SUPT3H: variants seen among roughly 807,000 people sequenced by gnomAD.
SUPT3H encodes the protein transcription initiation protein SPT3 homolog.
SUPT3H carries 44 observed loss-of-function variants against 44.3 expected under a neutral mutation model. The observed-to-expected ratio is 0.99, with a 90% CI of 0.78 to 1.28. The LOEUF (loss-of-function observed/expected upper bound fraction) is 1.28. Among genes scored for constraint, SUPT3H ranks in the 50% most tolerant of loss-of-function variants. The pLI is 0.00. For missense variants in SUPT3H, 380 were observed against 387.1 expected, an observed-to-expected ratio of 0.98 and a Z score of 0.15; for synonymous variants, 124 against 125.6, an observed-to-expected ratio of 0.99 and a Z score of 0.09.
chr6:44,825,253 ATATAAT>A (rs1407809361), downstream of SUPT3H, among the ~76,000 whole-genome samples: 62 of 152,366 alleles, frequency 4.1e-4, no homozygotes, highest in Admixed American at 1.3e-3. Flanking sequence ...GCATGAGCCT[ATATAAT>A]TATATTCTAT....
At chr6:44,865,835 A>G (rs1775412064) in intron 10 of SUPT3H, among the ~76,000 whole-genome samples, 1 of 152,190 alleles carries the variant, frequency 6.6e-6, no homozygotes, top group South Asian at 2.1e-4. Context: ...AATCTTCTAA[A>G]GAGTTCTGCT....
intron 5 of SUPT3H, among the ~76,000 whole-genome samples, chr6:45,009,664 C>G (rs1246381032): frequency 6.6e-6 from 1 of 152,152 alleles, no homozygotes; most frequent in Non-Finnish European, 1.5e-5. Flanking sequence ...ATTTCATTGA[C>G]AAATATGTCT....
At chr6:45,071,404 C>G (rs979168847) in intron 3 of SUPT3H, among the ~76,000 whole-genome samples, 1 of 151,842 alleles carries the variant, frequency 6.6e-6, no homozygotes, top group Non-Finnish European at 1.5e-5. Flanking sequence ...TCTTTTTTTG[C>G]CCCATGATAT....
chr6:44,876,477 G>A (rs1396899689), intron 10 of SUPT3H, among the ~76,000 whole-genome samples: 1 of 128,400 alleles, frequency 7.8e-6, no homozygotes, highest in Admixed American at 8.4e-5. Flanking sequence ...CACTGGAAGG[G>A]GAATATCATA....
Position 44,931,599 on chromosome 6 carries a change from T to C in SUPT3H, c.912+1054A>G, listed in dbSNP as rs762086586. ...TTTAATCAGCAATATTAAAATCATG[T>C]TCTTATATAAGATAAACTTCAAATA... On this transcript the variant is annotated intron_variant, in intron 10 of 10. Coordinates refer to ENST00000371459, the MANE Select transcript of SUPT3H (RefSeq NM_003599.4). Among the ~76,000 whole-genome samples, 13 of 152,244 alleles carry C rather than the reference T, an allele frequency of 8.5e-5. No homozygotes were observed. The Middle Eastern group carries it at 0.017, about 199-fold the overall frequency.
chr6:45,221,417 A>G (rs529436888), intron 2 of SUPT3H, among the ~76,000 whole-genome samples: 41 of 152,340 alleles, frequency 2.7e-4, no homozygotes, highest in African/African-American at 9.6e-4. Context: ...TACAAGATTG[A>G]CACACAAAAA....
rs70996303 is a variant in SUPT3H at position 45,154,087 on chromosome 6, A to AAAAAAAAAC, written c.102-48082_102-48081insGTTTTTTTT. Among the ~76,000 whole-genome samples the AAAAAAAAAC allele has an allele frequency of 7.9e-5, 9 of 114,620 alleles. 1 individual carries two copies. Among genetic ancestry groups the AAAAAAAAAC allele is most frequent in the Non-Finnish European group, 1.4e-4 (8 of 56,950 alleles). 75.2% of individuals were successfully genotyped at this position (114,620 alleles called of 152,430 possible). A position where few individuals can be genotyped will look rare whatever the true frequency, so the allele number is the denominator to read the frequency against. ...TCTGTCTCAAGAAAAAAAAAAAAAA[A>AAAAAAAAAC]AGCGCTTAGTCCTCCTATGTTAGAA... On this transcript the variant is annotated intron_variant, in intron 2 of 10. Transcript: ENST00000371459.
chr6:44,934,673 C>G (rs775883479), intron 9 of SUPT3H, among the ~76,000 whole-genome samples: 2 of 152,224 alleles, frequency 1.3e-5, no homozygotes, highest in African/African-American at 4.8e-5. Context: ...AGACCACTCA[C>G]CCCTTCTGCC....
chr6:45,351,785 T>A (rs955606212), intron 2 of SUPT3H, among the ~76,000 whole-genome samples: 26 of 152,176 alleles, frequency 1.7e-4, no homozygotes, highest in African/African-American at 6.0e-4. Context: ...CTGCCACATC[T>A]GCCCTTCAAA....
intron 2 of SUPT3H, among the ~76,000 whole-genome samples, chr6:45,218,795 A>C (rs759123422): frequency 1.3e-5 from 2 of 152,162 alleles, no homozygotes; most frequent in Non-Finnish European, 2.9e-5. Flanking sequence ...CACACTCAAC[A>C]AAATCAAATT....
At chr6:45,193,159 T>C (rs78538880) in intron 2 of SUPT3H, among the ~76,000 whole-genome samples, 5,527 of 152,202 alleles carry the variant, frequency 0.036, 146 homozygotes, top group Middle Eastern at 0.055. Context: ...GTATGTAAAG[T>C]AGGAATAAAT....
At chr6:45,019,551 A>G (rs910490357) in intron 4 of SUPT3H, among the ~76,000 whole-genome samples, 6 of 151,970 alleles carry the variant, frequency 3.9e-5, no homozygotes, top group African/African-American at 1.4e-4. Context: ...AGCTTGTTCT[A>G]TGCTTACACT....
intron 9 of SUPT3H, among the ~76,000 whole-genome samples, chr6:44,939,072 T>C (rs1771964653): frequency 6.6e-6 from 1 of 152,152 alleles, no homozygotes; most frequent in Admixed American, 6.5e-5. Context: ...TTTCTCCTGC[T>C]TTATTGTTCT....
chr6:45,376,056 G>A (rs1796733620), intron 1 of SUPT3H, among the ~76,000 whole-genome samples: 1 of 152,156 alleles, frequency 6.6e-6, no homozygotes, highest in South Asian at 2.1e-4. Context: ...AACCAAAGTG[G>A]TAAAAGATAG....
At chr6:44,959,365 G>C (rs1775681057) in intron 7 of SUPT3H, among the ~76,000 whole-genome samples, 1 of 151,920 alleles carries the variant, frequency 6.6e-6, no homozygotes, top group Admixed American at 6.6e-5. Flanking sequence ...AAATTAAAAA[G>C]CACAGAAATT....
chr6:45,356,859 T>C (rs1793285661), intron 2 of SUPT3H, among the ~76,000 whole-genome samples: 1 of 152,202 alleles, frequency 6.6e-6, no homozygotes, highest in South Asian at 2.1e-4. Flanking sequence ...ATTAAGAATT[T>C]ACTACTCTTT....
intron 10 of SUPT3H, among the ~76,000 whole-genome samples, chr6:44,891,845 A>G (rs1464891431): frequency 1.3e-5 from 2 of 152,062 alleles, no homozygotes; most frequent in Admixed American, 1.3e-4. Context: ...TAGTGACCAA[A>G]AAAAAAAGAC....
chr6:44,902,734 T>C (rs1337256673), intron 10 of SUPT3H, among the ~76,000 whole-genome samples: 3 of 152,196 alleles, frequency 2.0e-5, no homozygotes, highest in African/African-American at 7.2e-5. Context: ...TACATTCTTC[T>C]CAGCACCACA....
intron 10 of SUPT3H, among the ~76,000 whole-genome samples, chr6:44,878,878 T>C (rs1449694128): frequency 1.3e-5 from 2 of 152,112 alleles, no homozygotes. Flanking sequence ...CTGTGAGGAA[T>C]GATGCATTCC....
Sources: allele counts gnomAD v4.1 joint callset (sites outside exome capture counted in the v4.1 genomes callset), GRCh38; gene constraint gnomAD v4.1.1; transcripts MANE v1.5; gene names NCBI Gene and HGNC (gene_info 2026-07-23, HGNC 2026-07-21).